The following DGAT1 variants were observed in gnomAD, a reference collection of about 807,000 sequenced individuals.
DGAT1 encodes ACAT related gene product 1.
Under a neutral mutation model 72.6 loss-of-function variants are expected in DGAT1, and 60 were observed. That is an observed-to-expected ratio of 0.83 (90% CI 0.67 to 1.02). The LOEUF (loss-of-function observed/expected upper bound fraction) is 1.02, where lower values mean the gene tolerates loss of function less well. DGAT1 is among the 50% of genes least tolerant of loss of function. The pLI is 0.00. For synonymous variants in DGAT1, 290 were observed against 267.5 expected (o/e 1.08, Z -0.82); for missense variants, 592 against 670.0 (o/e 0.88, Z 1.29).
chr8:144,317,179 C>T lies in DGAT1; in HGVS notation c.1160+8G>A, dbSNP rs781931353. 57 of 1,607,494 alleles carry T rather than the reference C, an allele frequency of 3.5e-5. No individual in the cohort carries two copies. The highest frequency in any genetic ancestry group is 4.7e-5 in the Non-Finnish European group (55 of 1,175,148). ...GTTCCACATCACACACACACACACC[C>T]CACCTACCTGATGCACCACTTGTGC... On this transcript the variant is annotated splice_region_variant and intron_variant, in intron 14 of 16. Coordinates refer to ENST00000528718, the MANE Select transcript of DGAT1 (RefSeq NM_012079.6).
At chr8:144,319,140 A>T in intron 2 of DGAT1, 72 bp from the exon 3 acceptor site, 1 of 1,519,172 alleles carries the variant, frequency 6.6e-7, no homozygotes, top group South Asian at 1.2e-5. Context: ...GATCCTCCCA[A>T]CACCTCTGGG....
chr8:144,317,876 C>T lies in DGAT1; in HGVS notation c.855+38G>A, dbSNP rs782665180. ...GAGGCCCTGGCTAGCCAGAAGGCCC[C>T]CTAGCCTCCAGTGGCTGCCCCCAGC... On this transcript the variant is annotated intron_variant, in intron 9 of 16. Transcript: ENST00000528718. The T allele has an allele frequency of 2.0e-5, 32 of 1,568,572 alleles. No homozygotes were observed. In the Middle Eastern group the frequency reaches 8.6e-4, roughly 42 times the overall value.
At chr8:144,324,618 G>C (rs560624491) in intron 1 of DGAT1, among the ~76,000 whole-genome samples, 284 of 152,146 alleles carry the variant, frequency 1.9e-3, no homozygotes, top group Non-Finnish European at 3.3e-3. Context: ...GGACTCACCA[G>C]GCCTCTCCCA....
At position 144,317,959 on chromosome 8, in the gene DGAT1, A is replaced by C; in HGVS notation, c.810T>G (p.Ser270=). ...TLCYELNFPR[S]PRIRKRFLLR... ...GCAGAAAGCGCTTCCGGATGCGGGG[A>C]GAGCGGGGAAAGTTGAGCTCGTAGC... The change falls in exon 9 of 17, where the codon TCT becomes TCG. Residue 270 remains serine, a synonymous_variant. Coordinates refer to ENST00000528718, the MANE Select transcript of DGAT1 (RefSeq NM_012079.6). 2.6e-6 allele frequency: 4 copies of C among 1,519,742 alleles called. No homozygotes were observed. The highest frequency in any genetic ancestry group is 3.5e-6 in the Non-Finnish European group (4 of 1,136,322). 94.1% of individuals were successfully genotyped at this position (1,519,742 alleles called of 1,614,324 possible).
chr8:144,322,886 C>T (rs1554848341), intron 1 of DGAT1, among the ~76,000 whole-genome samples: 1 of 152,150 alleles, frequency 6.6e-6, no homozygotes, highest in Non-Finnish European at 1.5e-5. Context: ...CAGCTGTCTT[C>T]CCAACTGACC....
At chr8:144,325,597 G>A (rs1017969336) in intron 1 of DGAT1, among the ~76,000 whole-genome samples, 3 of 152,244 alleles carry the variant, frequency 2.0e-5, no homozygotes, top group Non-Finnish European at 4.4e-5. Flanking sequence ...GTGGCAAGGG[G>A]ATTGCTCAAG....
chr8:144,324,396 C>T (rs559329604), intron 1 of DGAT1, among the ~76,000 whole-genome samples: 16 of 152,302 alleles, frequency 1.1e-4, no homozygotes, highest in East Asian at 3.9e-4. Context: ...CAAGGCCTGA[C>T]GCAGACAGCA....
intron 15 of DGAT1, 41 bp downstream of exon 15, chr8:144,316,981 C>T: frequency 6.2e-7 from 1 of 1,610,940 alleles, no homozygotes; most frequent in Non-Finnish European, 8.5e-7. Context: ...TGGGCATACC[C>T]CTGCCCAGGG....
rs569454245 is a variant in DGAT1 at position 144,315,847 on chromosome 8, T to C, written c.*707A>G. On this transcript the variant is annotated 3_prime_UTR_variant, in exon 17 of 17. Transcript: ENST00000528718. Reference sequence around the variant, plus strand: ...AGCCCTGCCCCAAGGCGAATAGCCATGGACATAGCCATTGTGTACCGTAGC... The same window carrying C: ...AGCCCTGCCCCAAGGCGAATAGCCACGGACATAGCCATTGTGTACCGTAGC... The C allele has an allele frequency of 1.5e-5, 15 of 985,448 alleles. No homozygotes were observed. In the East Asian group the frequency reaches 3.4e-4, roughly 22 times the overall value. The allele number at this position is 985,448 out of a possible 1,614,324, so 61.0% of individuals were successfully genotyped here.
At position 144,321,400 on chromosome 8, in the gene DGAT1, C is replaced by T. The variant is rs782106785; in HGVS notation, c.209G>A (p.Arg70His). 18 of 1,613,814 alleles carry T rather than the reference C, an allele frequency of 1.1e-5. No individual in the cohort carries two copies. Among genetic ancestry groups the T allele is most frequent in the Non-Finnish European group, 1.5e-5 (18 of 1,179,888 alleles). ...AGAGCTGAATAAAGAATCCTGCAGG[C>T]GATGGCACCTGACAGAGCACAACAC... ...GSGHWELRCH[R>H]LQDSLFSSDS... Residue 70 changes from arginine (R) to histidine (H), a missense_variant, in exon 2 of 17, where the codon CGC (arginine) becomes CAC (histidine). Transcript: ENST00000528718.
At position 144,318,356 on chromosome 8, in the gene DGAT1, G is replaced by A; in HGVS notation, c.581C>T (p.Ser194Phe). The change falls in exon 7 of 17, where the codon TCC (serine) becomes TTC (phenylalanine). Residue 194 changes from serine to phenylalanine, a missense_variant. Coordinates refer to ENST00000528718, the MANE Select transcript of DGAT1 (RefSeq NM_012079.6). ...LLVESITPVG[S>F]LLALMAHTIL... ...GGTGTGCGCCATCAGCGCCAGCAGG[G>A]AGCCCACTGCAGGAGAGGTGGACTC... 6.2e-7 allele frequency: 1 copy of A among 1,611,370 alleles called. No individual in the cohort carries two copies. Among genetic ancestry groups the A allele is most frequent in the Non-Finnish European group, 8.5e-7 (1 of 1,178,998 alleles).
chr8:144,321,320 C>T lies in DGAT1; in HGVS notation c.288+1G>A. The T allele has an allele frequency of 6.2e-7, 1 of 1,613,850 alleles. No individual in the cohort carries two copies. Among genetic ancestry groups the T allele is most frequent in the Non-Finnish European group, 8.5e-7 (1 of 1,179,824 alleles). ...CGCTCCCGACACCATGTCCCACTCA[C>T]CAGCATCACCACACACCAGTTCAGG... On this transcript the variant is annotated splice_donor_variant, in intron 2 of 16. Coordinates refer to ENST00000528718, the MANE Select transcript of DGAT1 (RefSeq NM_012079.6). LOFTEE classifies it high-confidence loss of function.
intron 4 of DGAT1, 23 bp downstream of exon 4, chr8:144,318,812 G>A (rs1817348689): frequency 6.2e-7 from 1 of 1,609,480 alleles, no homozygotes. Flanking sequence ...CCCACCCGAG[G>A]CCCTCCTCAG....
chr8:144,319,227 G>C (rs1817372647), intron 2 of DGAT1, among the ~76,000 whole-genome samples, 159 bp from the exon 3 acceptor site: 1 of 152,156 alleles, frequency 6.6e-6, no homozygotes, highest in East Asian at 1.9e-4. Flanking sequence ...GCCAAGCTCT[G>C]AGACTCAGCA....
chr8:144,318,612 G>A, intron 5 of DGAT1, 46 bp from the exon 6 acceptor site: 1 of 1,605,258 alleles, frequency 6.2e-7, no homozygotes, highest in Non-Finnish European at 8.5e-7. Flanking sequence ...CATTGCCTGG[G>A]AGAGGGCTGC....
At chr8:144,321,202 GCCCACAGGGGCTCCAGCCTGGACA>G in intron 2 of DGAT1, 95 bp downstream of exon 2, 1 of 952,018 alleles carries the variant, frequency 1.1e-6, no homozygotes, top group Non-Finnish European at 1.7e-6. Flanking sequence ...ACACACCCCA[GCCCACAGGGGCTCCAGCCTGGACA>G]CCCTGGGTGA....
At position 144,316,843 on chromosome 8, in the gene DGAT1, G is replaced by A. The variant is rs962360341; in HGVS notation, c.1311+10C>T. 6.2e-6 allele frequency: 10 copies of A among 1,607,982 alleles called. No individual in the cohort carries two copies. The highest frequency in any genetic ancestry group is 1.7e-4 in the Middle Eastern group (1 of 6,052). On this transcript the variant is annotated intron_variant, in intron 16 of 16. Transcript: ENST00000528718. ...TGGGCGAGTGAGGAGGCCACGTGGG[G>A]GTCACTCACCTGAGCCATCATGCCC...
intron 9 of DGAT1, 35 bp downstream of exon 9, chr8:144,317,879 A>G: frequency 6.4e-7 from 1 of 1,566,064 alleles, no homozygotes; most frequent in Non-Finnish European, 8.7e-7. Context: ...AAGGCCCCCT[A>G]GCCTCCAGTG....
chr8:144,324,211 C>T (rs1196241824), intron 1 of DGAT1, among the ~76,000 whole-genome samples: 1 of 152,130 alleles, frequency 6.6e-6, no homozygotes, highest in Non-Finnish European at 1.5e-5. Flanking sequence ...AGAGCCCAGC[C>T]CTAGGTGAGC....
Sources: gnomAD v4.1 joint callset for allele counts (sites outside exome capture counted in the v4.1 genomes callset) on GRCh38, gnomAD v4.1.1 for gene constraint, MANE v1.5 for transcripts, NCBI Gene and HGNC (gene_info 2026-07-23, HGNC 2026-07-21) for gene names.